CHRNB4: variants seen among roughly 807,000 people sequenced by gnomAD.
CHRNB4 encodes the protein cholinergic receptor nicotinic beta 4 subunit.
A neutral mutation model predicts 40.4 loss-of-function variants in CHRNB4; 23 were observed. The observed-to-expected ratio is 0.57, with a 90% confidence interval of 0.41 to 0.81. The LOEUF (loss-of-function observed/expected upper bound fraction) is 0.81. Among genes scored for constraint, CHRNB4 ranks in the 30% least tolerant of loss-of-function variants. The pLI is 0.00. For synonymous variants in CHRNB4, 285 were observed against 274.4 expected (o/e 1.04, Z -0.38); for missense variants, 568 against 670.6 (o/e 0.85, Z 1.69).
In CHRNB4 at chr15:78,638,738, C is replaced by T. The variant is rs539761642; in HGVS notation, c.55+2341G>A. ...CGACGGAGCCCAGCCCAGCCCAGCACATGCTTAGACTTTCCAATCTACTGA... is the reference window on the plus strand; with the variant it reads ...CGACGGAGCCCAGCCCAGCCCAGCATATGCTTAGACTTTCCAATCTACTGA... On this transcript the variant is annotated intron_variant, in intron 1 of 5. Coordinates refer to ENST00000261751, the MANE Select transcript of CHRNB4 (RefSeq NM_000750.5). 3.1e-4 allele frequency among the ~76,000 whole-genome samples: 47 copies of T among 152,252 alleles called. 1 individual carries two copies. Among genetic ancestry groups the T allele is most frequent in the Non-Finnish European group, 1.3e-4 (9 of 68,048 alleles).
At chr15:78,649,479 A>C in intron 6 of CHRNB4, 1 of 440,388 alleles carries the variant, frequency 2.3e-6, no homozygotes, top group South Asian at 1.6e-5. Context: ...GCACTATAAA[A>C]AACAAAACAA....
chr15:78,627,906 C>A (rs1480255986), intron 5 of CHRNB4: 1 of 152,222 alleles, frequency 6.6e-6, no homozygotes, highest in Non-Finnish European at 1.5e-5. Flanking sequence ...TGGCTCAAGC[C>A]TGTAATCCCA....
At position 78,652,007 on chromosome 15, in the gene CHRNB4, T is replaced by C. The variant is rs189848008; in HGVS notation, c.-16+571A>G. ...CTTGGTGCTAGATACTTCATCATTT[T>C]GTCCTCACAAGAAGCTACTGCCCCA... is the stretch of plus-strand genomic sequence containing the variant. On this transcript the variant is annotated intron_variant and NMD_transcript_variant, in intron 6 of 11. Coordinates refer to the CHRNB4 transcript ENST00000559849. Among the ~76,000 whole-genome samples the C allele has an allele frequency of 4.5e-4, 68 of 152,348 alleles. 1 individual carries two copies. The highest frequency in any genetic ancestry group is 1.5e-3 in the African/African-American group (64 of 41,580).
chr15:78,661,606 C>A, upstream of CHRNB4: 1 of 503,208 alleles, frequency 2.0e-6, no homozygotes, highest in African/African-American at 2.0e-5. Context: ...TGTCAACTCC[C>A]ATGATGGCGC....
chr15:78,651,705 T>C (rs1039934106), intron 6 of CHRNB4, among the ~76,000 whole-genome samples: 5 of 152,224 alleles, frequency 3.3e-5, no homozygotes, highest in African/African-American at 1.2e-4. Context: ...CTTCCCTGAC[T>C]GAATCCTGAC....
At chr15:78,630,313 T>C (rs914475655) in intron 4 of CHRNB4, among the ~76,000 whole-genome samples, 8 of 151,894 alleles carry the variant, frequency 5.3e-5, no homozygotes, top group African/African-American at 1.9e-4. Flanking sequence ...TAATTTTGTA[T>C]TTTTAGTAGA....
Position 78,629,635 on chromosome 15 carries a change from A to G in CHRNB4, c.670T>C (p.Tyr224His). 1 of 1,614,094 alleles carries G rather than the reference A, an allele frequency of 6.2e-7. No individual in the cohort carries two copies. Among genetic ancestry groups the G allele is most frequent in the Non-Finnish European group, 8.5e-7 (1 of 1,180,032 alleles). The stretch of plus-strand genomic sequence containing the variant: ...GGCTTGCGCTTGATGATGAAGTCGT[A>G]AGTCACGTCCACGTAGCTGGGGTCT... ...PQDPSYVDVT[Y>H]DFIIKRKPLF... The change falls in exon 5 of 6, where the codon TAC (tyrosine) becomes CAC (histidine). Residue 224 changes from tyrosine to histidine, a missense_variant. Transcript: ENST00000261751. The surrounding 1 kb of genome is among the most constrained non-coding windows in gnomAD (Gnocchi z 6.8).
chr15:78,658,258 T>C (rs1336544365), intron 2 of CHRNB4: 1 of 152,162 alleles, frequency 6.6e-6, no homozygotes, highest in African/African-American at 2.4e-5. Flanking sequence ...CTTGAACTCC[T>C]GACCTCAGGT....
chr15:78,654,553 T>C (rs1253644402), intron 5 of CHRNB4, among the ~76,000 whole-genome samples: 1 of 152,182 alleles, frequency 6.6e-6, no homozygotes, highest in Non-Finnish European at 1.5e-5. Context: ...CTGTGCCTCA[T>C]GTTTTTCATC....
Position 78,629,052 on chromosome 15 carries a change from C to T in CHRNB4, c.1253G>A (p.Gly418Glu). ...CTCCTGCACATCCTGTCGGAACCTC[C>T]CAGAGGACCGCAGCCAGAAATCCCT... ...IPRDFWLRSS[G>E]RFRQDVQEAL... The change falls in exon 5 of 6, where the codon GGG becomes GAG. Residue 418 changes from glycine (G) to glutamate (E), a missense_variant. Gly to Glu is a moderately conservative substitution (Grantham distance 98). Coordinates refer to ENST00000261751, the MANE Select transcript of CHRNB4 (RefSeq NM_000750.5). This position sits in a 1 kb window ranked among gnomAD's most constrained non-coding sequence, Gnocchi z 6.8. The T allele has an allele frequency of 2.5e-6, 4 of 1,614,128 alleles. No homozygotes were observed. The highest frequency in any genetic ancestry group is 3.4e-6 in the Non-Finnish European group (4 of 1,180,044).
At chr15:78,645,744 A>G (rs562389252), upstream of CHRNB4, among the ~76,000 whole-genome samples, 10 of 152,156 alleles carry the variant, frequency 6.6e-5, no homozygotes, top group South Asian at 1.5e-3. Flanking sequence ...GCAGAACCCA[A>G]ATGAATATAT....
intron 5 of CHRNB4, chr15:78,627,656 G>A (rs947417713): frequency 1.3e-5 from 2 of 152,164 alleles, no homozygotes; most frequent in African/African-American, 4.8e-5. Context: ...AATCTGATCT[G>A]AAGGTGTTAA....
chr15:78,631,256 C>T (rs888855338), intron 3 of CHRNB4, 32 bp downstream of exon 3: 6 of 1,613,746 alleles, frequency 3.7e-6, no homozygotes, highest in African/African-American at 1.3e-5. Context: ...AAGAAAAGAT[C>T]TCTGGGGCTC....
chr15:78,646,763 T>C (rs1057423926), intron 7 of CHRNB4, among the ~76,000 whole-genome samples: 3 of 152,232 alleles, frequency 2.0e-5, no homozygotes, highest in African/African-American at 7.2e-5. Flanking sequence ...CACCATTATA[T>C]TGGAGGCCAG....
chr15:78,649,163 T>G (rs1420212088), intron 7 of CHRNB4, among the ~76,000 whole-genome samples: 1 of 152,020 alleles, frequency 6.6e-6, no homozygotes, highest in Non-Finnish European at 1.5e-5. Context: ...CTGCTGGGGA[T>G]GTAAACTGGG....
At chr15:78,634,543 G>A (rs1024974813) in intron 2 of CHRNB4, 25 of 343,162 alleles carry the variant, frequency 7.3e-5, no homozygotes, top group African/African-American at 5.3e-4. Flanking sequence ...GCCTTCCTGA[G>A]GGCTGTAGGT....
At position 78,629,407 on chromosome 15, in the gene CHRNB4, T is replaced by C. The variant is rs1288768941; in HGVS notation, c.898A>G (p.Met300Val). ...LDVPLIGKYL[M>V]FTMVLVTFSI... ...AAGGTGACCAGCACCATGGTGAACA[T>C]GAGGTACTTGCCGATGAGAGGCACA... is the stretch of plus-strand genomic sequence containing the variant. The change falls in exon 5 of 6, where the codon ATG becomes GTG. Residue 300 changes from methionine (M) to valine (V), a missense_variant. This residue lies in a region of CHRNB4 where 242 missense variants were observed against 274.9 expected (regional missense o/e 0.88). Coordinates refer to ENST00000261751, the MANE Select transcript of CHRNB4 (RefSeq NM_000750.5). The surrounding 1 kb of genome is among the most constrained non-coding windows in gnomAD (Gnocchi z 6.8). The C allele has an allele frequency of 5.0e-6, 8 of 1,613,912 alleles. No homozygotes were observed. The highest frequency in any genetic ancestry group is 2.2e-5 in the East Asian group (1 of 44,852).
intron 7 of CHRNB4, among the ~76,000 whole-genome samples, chr15:78,648,677 C>T (rs1050588903): frequency 1.4e-5 from 2 of 147,692 alleles, no homozygotes; most frequent in Admixed American, 1.4e-4. Flanking sequence ...TGCTTGAACC[C>T]GGGAGGCGGA....
At chr15:78,642,037 A>G (rs535085213), upstream of CHRNB4, among the ~76,000 whole-genome samples, 12 of 152,310 alleles carry the variant, frequency 7.9e-5, no homozygotes, top group African/African-American at 2.9e-4. Flanking sequence ...GTGGGCCCTA[A>G]CAGGCAAATC....
Sources: gnomAD v4.1 joint callset for allele counts (sites outside exome capture counted in the v4.1 genomes callset) on GRCh38, gnomAD v4.1.1 for gene constraint, gnomAD v4.1.1 regional missense constraint, Gnocchi (gnomAD v3.1) non-coding constraint, MANE v1.5 for transcripts, NCBI Gene and HGNC (gene_info 2026-07-23, HGNC 2026-07-21) for gene names.